The following GMDS variants were observed in gnomAD, a reference collection of about 807,000 sequenced individuals.
GMDS encodes GDP-mannose 4,6 dehydratase.
A neutral mutation model predicts 49.9 loss-of-function variants in GMDS; 20 were observed. That is an observed-to-expected ratio of 0.40 (90% CI 0.28 to 0.58). The LOEUF (loss-of-function observed/expected upper bound fraction) is 0.58, where lower values mean the gene tolerates loss of function less well. GMDS is among the 20% of genes least tolerant of loss of function. GMDS has a pLI of 0.42. For missense variants in GMDS, 362 were observed against 481.4 expected, an observed-to-expected ratio of 0.75 and a Z score of 2.32; for synonymous variants, 177 against 178.6, an observed-to-expected ratio of 0.99 and a Z score of 0.07.
chr6:1,994,753 G>A (rs1260024391), intron 4 of GMDS, among the ~76,000 whole-genome samples: 1 of 152,038 alleles, frequency 6.6e-6, no homozygotes, highest in Non-Finnish European at 1.5e-5. Flanking sequence ...TCACTGGATA[G>A]GTTGGGAGGA....
At chr6:1,803,569 T>TC (rs1561814729) in intron 7 of GMDS, among the ~76,000 whole-genome samples, 2 of 150,708 alleles carry the variant, frequency 1.3e-5, no homozygotes, top group African/African-American at 2.4e-5. Context: ...TCCCTTCCCG[T>TC]CCCCAAATAA....
intron 6 of GMDS, among the ~76,000 whole-genome samples, chr6:1,956,228 C>A (rs1763630971): frequency 6.6e-6 from 1 of 152,136 alleles, no homozygotes; most frequent in Admixed American, 6.5e-5. Context: ...GAGGCCCAGA[C>A]AACAAATATT....
At chr6:2,034,781 C>T (rs912238339) in intron 4 of GMDS, among the ~76,000 whole-genome samples, 14 of 152,256 alleles carry the variant, frequency 9.2e-5, no homozygotes, top group Middle Eastern at 3.4e-3. Flanking sequence ...TATTCTCACA[C>T]GTATACAGTG....
At chr6:1,953,468 A>G (rs1199708931) in intron 6 of GMDS, among the ~76,000 whole-genome samples, 1 of 152,112 alleles carries the variant, frequency 6.6e-6, no homozygotes, top group Non-Finnish European at 1.5e-5. Context: ...TTCCCTCTTA[A>G]TTATCATGCA....
chr6:1,671,942 C>T (rs146133783), intron 9 of GMDS, among the ~76,000 whole-genome samples: 11,348 of 152,142 alleles, frequency 0.075, 557 homozygotes, highest in Non-Finnish European at 0.1. Context: ...GGATTACAGG[C>T]GTGAACCACC....
At chr6:2,141,069 G>A (rs895654795) in intron 1 of GMDS, among the ~76,000 whole-genome samples, 1 of 152,152 alleles carries the variant, frequency 6.6e-6, no homozygotes, top group Non-Finnish European at 1.5e-5. Context: ...ATTCAAATGG[G>A]AAACAAAATA....
At chr6:1,872,413 T>C (rs1359183422) in intron 7 of GMDS, among the ~76,000 whole-genome samples, 1 of 152,222 alleles carries the variant, frequency 6.6e-6, no homozygotes, top group African/African-American at 2.4e-5. Context: ...TATGGAAAGG[T>C]TGAAGAACTG....
rs765059011 is a variant in GMDS, at chr6:2,227,208, C to CAT, written c.102+18111_102+18112dup. On this transcript the variant is annotated intron_variant, in intron 1 of 10. Coordinates refer to ENST00000380815, the MANE Select transcript of GMDS (RefSeq NM_001500.4). ...AATATATATATTTCCATATATATGT[C>CAT]ATATATATATATAAAATGTTTCAAG... Among the ~76,000 whole-genome samples the CAT allele has an allele frequency of 7.1e-4, 108 of 151,340 alleles. 1 individual carries two copies. Among genetic ancestry groups the CAT allele is most frequent in the East Asian group, 1.2e-3 (6 of 5,162 alleles).
At chr6:1,896,321 C>CTAAG (rs1449824746) in intron 7 of GMDS, among the ~76,000 whole-genome samples, 1 of 152,144 alleles carries the variant, frequency 6.6e-6, no homozygotes, top group African/African-American at 2.4e-5. Context: ...AAGCACTGAG[C>CTAAG]TAAGGCCTTT....
At chr6:1,723,532 T>C (rs1254036138) in intron 9 of GMDS, among the ~76,000 whole-genome samples, 1 of 151,994 alleles carries the variant, frequency 6.6e-6, no homozygotes, top group Non-Finnish European at 1.5e-5. Context: ...GGTTTCACTG[T>C]GTTAGCCAGG....
rs1438440970 is a variant in GMDS, at chr6:1,789,519, CTTTTTCT to C, written c.772-46940_772-46934del. Among the ~76,000 whole-genome samples the C allele has an allele frequency of 1.4e-3, 188 of 135,516 alleles. 1 individual carries two copies. Among genetic ancestry groups the C allele is most frequent in the African/African-American group, 4.3e-3 (142 of 33,406 alleles). The allele number at this position is 135,516 out of a possible 152,430, so 88.9% of individuals were successfully genotyped here. A position where few individuals can be genotyped will look rare whatever the true frequency, so the allele number is the denominator to read the frequency against. ...AGAACTTGACAAAAAATTATTTTTTCTTTTTCTTTTTTCTTTTTTTTTTTTTTTTTTT... is the reference window on the plus strand; with the variant it reads ...AGAACTTGACAAAAAATTATTTTTTCTTTTTCTTTTTTTTTTTTTTTTTTT... On this transcript the variant is annotated intron_variant, in intron 7 of 10. Transcript: ENST00000380815.
intron 6 of GMDS, among the ~76,000 whole-genome samples, chr6:1,939,099 C>T (rs986091521): frequency 3.3e-5 from 5 of 151,606 alleles, no homozygotes; most frequent in African/African-American, 9.7e-5. Flanking sequence ...TCTGTTCTTG[C>T]TTGCTTATTT....
intron 7 of GMDS, among the ~76,000 whole-genome samples, chr6:1,875,944 G>A (rs577880383): frequency 4.6e-5 from 7 of 150,788 alleles, no homozygotes; most frequent in African/African-American, 1.7e-4. Flanking sequence ...CTTGAACCCA[G>A]AAGGCAGAGG....
At chr6:2,052,688 A>G (rs1406180371) in intron 4 of GMDS, among the ~76,000 whole-genome samples, 1 of 152,228 alleles carries the variant, frequency 6.6e-6, no homozygotes, top group Non-Finnish European at 1.5e-5. Flanking sequence ...TTGCAAGACA[A>G]TTGTAAGAAT....
intron 4 of GMDS, among the ~76,000 whole-genome samples, chr6:2,019,611 G>A (rs563609979): frequency 8.3e-4 from 126 of 152,056 alleles, no homozygotes; most frequent in Non-Finnish European, 4.3e-4. Context: ...CATCATGCCC[G>A]GCTAATTTTT....
chr6:1,757,132 C>T (rs1343556002), intron 7 of GMDS, among the ~76,000 whole-genome samples: 1 of 152,198 alleles, frequency 6.6e-6, no homozygotes, highest in Non-Finnish European at 1.5e-5. Flanking sequence ...ATAAACATTG[C>T]TTCAGCTTGC....
chr6:2,081,086 G>A (rs1253268234), intron 4 of GMDS, among the ~76,000 whole-genome samples: 1 of 152,050 alleles, frequency 6.6e-6, no homozygotes, highest in Non-Finnish European at 1.5e-5. Context: ...TTTATCAAAG[G>A]TTTGTTTTAA....
intron 4 of GMDS, among the ~76,000 whole-genome samples, chr6:1,980,317 C>A (rs1299623069): frequency 6.6e-6 from 1 of 151,928 alleles, no homozygotes; most frequent in African/African-American, 2.4e-5. Flanking sequence ...TGCAAGGACA[C>A]ACATAGGCTC....
At chr6:2,110,036 C>G (rs1167601504) in intron 4 of GMDS, among the ~76,000 whole-genome samples, 1 of 152,214 alleles carries the variant, frequency 6.6e-6, no homozygotes, top group Non-Finnish European at 1.5e-5. Flanking sequence ...CAGTCCCTCT[C>G]TGCTGTTTGC....
Sources: gnomAD v4.1 joint callset for allele counts (sites outside exome capture counted in the v4.1 genomes callset) on GRCh38, gnomAD v4.1.1 for gene constraint, MANE v1.5 for transcripts, NCBI Gene and HGNC (gene_info 2026-07-23, HGNC 2026-07-21) for gene names.